Variants in BRWD3 observed in about 807,000 individuals in gnomAD.
The protein encoded by BRWD3 is bromodomain and WD repeat-containing protein 3.
Under a neutral mutation model 149.7 loss-of-function variants are expected in BRWD3, and 10 were observed. The observed-to-expected ratio is 0.07, with a 90% CI of 0.04 to 0.11. BRWD3 has a LOEUF of 0.11. Ranked by LOEUF, BRWD3 falls within the 10% of genes least tolerant of loss-of-function variation. The pLI, the probability that BRWD3 is intolerant of heterozygous loss-of-function variation, is 1.00. For missense variants in BRWD3, 940 were observed against 1,373.2 expected (o/e 0.68, Z 4.99); for synonymous variants, 504 against 456.7 (o/e 1.10, Z -1.32).
chrX:80,722,858 G>A (rs769422590), intron 16 of BRWD3, 71 bp from the exon 17 acceptor site: 5 of 926,562 alleles, frequency 5.4e-6, no homozygotes, highest in Non-Finnish European at 6.2e-6. Context: ...TTCATTCCTT[G>A]AGCACACTCA....
Position 80,809,522 on chromosome X carries a change from C to T in BRWD3, c.-51G>A. Reference sequence around the variant, plus strand: ...TTCGCTCCGGAGGGGCTGGCGGGGGCGGGTGGGGGCGCTGCCTCTATTGTG... The same window carrying T: ...TTCGCTCCGGAGGGGCTGGCGGGGGTGGGTGGGGGCGCTGCCTCTATTGTG... On this transcript the variant is annotated 5_prime_UTR_variant, in exon 1 of 41. Transcript: ENST00000373275. The T allele has an allele frequency of 3.6e-6, 1 of 281,491 alleles. No homozygotes were observed. 23.2% of individuals were successfully genotyped at this position (281,491 alleles called of 1,213,427 possible).
At chrX:80,742,890 C>T (rs961386684) in intron 8 of BRWD3, among the ~76,000 whole-genome samples, 6 of 111,180 alleles carry the variant, frequency 5.4e-5, no homozygotes, top group Admixed American at 3.8e-4. Flanking sequence ...CCTTTATTTC[C>T]TTCTCCTGCC....
At chrX:80,684,769 A>C (rs891476219) in intron 36 of BRWD3, among the ~76,000 whole-genome samples, 1 of 111,089 alleles carries the variant, frequency 9.0e-6, no homozygotes, top group Non-Finnish European at 1.9e-5. Context: ...AATCCAGTAA[A>C]GATTTTCCTA....
intron 24 of BRWD3, among the ~76,000 whole-genome samples, chrX:80,703,004 A>G (rs1416703022): frequency 3.6e-5 from 4 of 111,897 alleles, no homozygotes; most frequent in Non-Finnish European, 5.6e-5. Flanking sequence ...AATAATAAAT[A>G]TGGCTACACT....
chrX:80,758,401 T>C (rs1460780124), intron 6 of BRWD3, among the ~76,000 whole-genome samples: 2 of 111,390 alleles, frequency 1.8e-5, no homozygotes, highest in Non-Finnish European at 3.8e-5. Context: ...GGTGATACTC[T>C]GCCAAGTTTG....
At chrX:80,803,832 T>C (rs964333288) in intron 4 of BRWD3, among the ~76,000 whole-genome samples, 1 of 112,341 alleles carries the variant, frequency 8.9e-6, no homozygotes, top group African/African-American at 3.2e-5. Context: ...CTATTCTAAT[T>C]GACAATTTAA....
chrX:80,787,345 T>G (rs1035168106), intron 6 of BRWD3, among the ~76,000 whole-genome samples: 33 of 111,830 alleles, frequency 3.0e-4, no homozygotes, highest in Admixed American at 1.9e-4. Flanking sequence ...ACCTTCTTTT[T>G]GGGGAAATTG....
chrX:80,721,459 G>A (rs912731940), intron 17 of BRWD3, among the ~76,000 whole-genome samples: 2 of 109,810 alleles, frequency 1.8e-5, no homozygotes, highest in African/African-American at 6.6e-5. Context: ...ATAAAAGGAC[G>A]TGCAGCATTT....
At chrX:80,728,933 A>G in intron 13 of BRWD3, 28 bp from the exon 14 acceptor site, 1 of 1,185,448 alleles carries the variant, frequency 8.4e-7, no homozygotes, top group South Asian at 1.8e-5. Context: ...CAGTATTCAT[A>G]TCTTATAAAT....
chrX:80,694,855 G>C (rs2072661167), intron 27 of BRWD3, among the ~76,000 whole-genome samples: 1 of 111,105 alleles, frequency 9.0e-6, no homozygotes, highest in Non-Finnish European at 1.9e-5. Context: ...ATGATACTTT[G>C]GACATGGACT....
At chrX:80,804,274 G>A (rs2074329192) in intron 4 of BRWD3, among the ~76,000 whole-genome samples, 1 of 106,282 alleles carries the variant, frequency 9.4e-6, no homozygotes, top group Admixed American at 1.0e-4. Flanking sequence ...CAGAGTCTCA[G>A]TCACCCAGGC....
At chrX:80,703,330 C>A (rs1363830661) in intron 24 of BRWD3, 150 bp downstream of exon 24, 7 of 415,154 alleles carry the variant, frequency 1.7e-5, no homozygotes, top group African/African-American at 1.5e-4. Flanking sequence ...ACTGTTCAGT[C>A]CCCTTCCACA....
At chrX:80,730,421 G>GAAAGA (rs1167995006) in intron 12 of BRWD3, among the ~76,000 whole-genome samples, 16 of 107,975 alleles carry the variant, frequency 1.5e-4, no homozygotes, top group Admixed American at 3.0e-4. Flanking sequence ...AAGAAAGAAA[G>GAAAGA]AAAGAAAGAA....
chrX:80,719,828 T>C (rs773404090), intron 17 of BRWD3, among the ~76,000 whole-genome samples, 172 bp from the exon 18 acceptor site: 1 of 112,420 alleles, frequency 8.9e-6, no homozygotes, highest in South Asian at 3.7e-4. Flanking sequence ...CTAGCTTATG[T>C]GTCTGACTTA....
chrX:80,777,369 G>T (rs1212725488), intron 6 of BRWD3, among the ~76,000 whole-genome samples: 1 of 111,191 alleles, frequency 9.0e-6, no homozygotes, highest in African/African-American at 3.3e-5. Context: ...GATAAAACTA[G>T]AAGTATACAA....
chrX:80,802,779 G>T (rs1328804240), intron 4 of BRWD3, among the ~76,000 whole-genome samples: 1 of 110,512 alleles, frequency 9.0e-6, no homozygotes, highest in Non-Finnish European at 1.9e-5. Context: ...AAATATTAGG[G>T]TCTTTTCTAC....
chrX:80,689,688 A>G (rs1181587130), intron 33 of BRWD3, 80 bp downstream of exon 33: 3 of 907,281 alleles, frequency 3.3e-6, no homozygotes, highest in Non-Finnish European at 4.7e-6. Flanking sequence ...TTCATGGCCA[A>G]TTACAACATT....
At chrX:80,776,337 A>G (rs1017389763) in intron 6 of BRWD3, among the ~76,000 whole-genome samples, 1 of 112,250 alleles carries the variant, frequency 8.9e-6, no homozygotes, top group Non-Finnish European at 1.9e-5. Context: ...TTGTATTACA[A>G]CTATTTCACA....
At chrX:80,779,960 A>G (rs1278389242) in intron 6 of BRWD3, among the ~76,000 whole-genome samples, 6 of 112,089 alleles carry the variant, frequency 5.4e-5, no homozygotes, top group African/African-American at 1.9e-4. Context: ...TTGCTAGGGT[A>G]ATATTAAGTG....
Sources: allele counts gnomAD v4.1 joint callset (sites outside exome capture counted in the v4.1 genomes callset), GRCh38; gene constraint gnomAD v4.1.1; transcripts MANE v1.5; gene names NCBI Gene and HGNC (gene_info 2026-07-23, HGNC 2026-07-21).